Variants in ZNF622 observed in about 807,000 individuals in gnomAD.
ZNF622 encodes zinc finger protein 622.
In ZNF622, 34 loss-of-function variants were observed where a neutral mutation model predicts 49.7. The ratio of observed to expected loss-of-function variants is 0.68; its 90% CI spans 0.52 to 0.91. The LOEUF is 0.91. Among genes scored for constraint, ZNF622 ranks in the 40% least tolerant of loss-of-function variants. The pLI, the probability that ZNF622 is intolerant of heterozygous loss-of-function variation, is 0.00. For synonymous variants in ZNF622, 209 were observed against 228.7 expected (o/e 0.91, Z 0.78); for missense variants, 569 against 616.4 (o/e 0.92, Z 0.81).
chr5:16,459,842 A>G (rs565382222), intron 3 of ZNF622, among the ~76,000 whole-genome samples: 26 of 152,356 alleles, frequency 1.7e-4, no homozygotes, highest in African/African-American at 5.3e-4. Flanking sequence ...CTATGCAGCT[A>G]TAAGTCAGAA....
chr5:16,453,561 A>T (rs404874), intron 4 of ZNF622, among the ~76,000 whole-genome samples: 41 of 33,058 alleles, frequency 1.2e-3, no homozygotes, highest in South Asian at 3.7e-3. Context: ...AATAAAAATT[A>T]TATATATATA....
intron 3 of ZNF622, among the ~76,000 whole-genome samples, chr5:16,461,608 TAGA>T (rs1233676540): frequency 4.6e-5 from 7 of 151,946 alleles, no homozygotes; most frequent in Admixed American, 2.6e-4. Flanking sequence ...TGAAAGAAAA[TAGA>T]AGAATAAAGG....
In ZNF622 at chr5:16,463,701, C is replaced by T. The variant is rs1178500071; in HGVS notation, c.667G>A (p.Asp223Asn). Reference sequence around the variant, plus strand: ...ACCACATCGTCCATTGCTTCAGTATCCTCACATTCCAATTCTTCATCAGAA... The same window carrying T: ...ACCACATCGTCCATTGCTTCAGTATTCTCACATTCCAATTCTTCATCAGAA... ...IDSDEELECE[D>N]TEAMDDVVEQ... The change falls in exon 2 of 6, where the codon GAT becomes AAT. Residue 223 changes from aspartate to asparagine, a missense_variant. Transcript: ENST00000308683. This position sits in a 1 kb window ranked among gnomAD's most constrained non-coding sequence, Gnocchi z 4.2. 1.2e-6 allele frequency: 2 copies of T among 1,614,184 alleles called. No individual in the cohort carries two copies. The highest frequency in any genetic ancestry group is 2.2e-5 in the East Asian group (1 of 44,892).
Position 16,453,096 on chromosome 5 carries a change from CTT to C in ZNF622, c.1221_1222del (p.Arg408SerfsTer76). On this transcript the variant is annotated frameshift_variant, in exon 5 of 6. Transcript: ENST00000308683. LOFTEE classifies it high-confidence loss of function. ...CCGATTTTTGGCAACTGCCACAGCT[CTT>C]GACAAGCCAAATCGCTGTTTGTAGT... 1.3e-6 allele frequency: 2 copies of C among 1,586,404 alleles called. No individual in the cohort carries two copies. The highest frequency in any genetic ancestry group is 1.7e-6 in the Non-Finnish European group (2 of 1,163,240).
At chr5:16,456,844 A>T (rs938432246) in intron 4 of ZNF622, among the ~76,000 whole-genome samples, 2 of 151,656 alleles carry the variant, frequency 1.3e-5, no homozygotes, top group African/African-American at 4.9e-5. Flanking sequence ...ACCAGACAGG[A>T]GGGTATAATG....
chr5:16,464,855 A>C (rs1166754298), intron 1 of ZNF622, among the ~76,000 whole-genome samples, 186 bp downstream of exon 1: 3 of 152,242 alleles, frequency 2.0e-5, no homozygotes, highest in Non-Finnish European at 4.4e-5. Context: ...GAATGAATTG[A>C]GTGAACTAAA....
chr5:16,453,916 C>A (rs1254673434), intron 4 of ZNF622, among the ~76,000 whole-genome samples: 1 of 152,004 alleles, frequency 6.6e-6, no homozygotes, highest in Non-Finnish European at 1.5e-5. Context: ...GGCTGAGTAA[C>A]CCTGACCTAT....
At chr5:16,453,258 A>G in intron 4 of ZNF622, 102 bp from the exon 5 acceptor site, 7 of 1,197,738 alleles carry the variant, frequency 5.8e-6, no homozygotes, top group Non-Finnish European at 7.6e-6. Context: ...TAGTATATCT[A>G]GATGGAAAAT....
intron 4 of ZNF622, among the ~76,000 whole-genome samples, chr5:16,453,541 TATATAAATAAATAAAAATTATA>T (rs1737967507): frequency 1.4e-5 from 2 of 139,824 alleles, no homozygotes; most frequent in Admixed American, 1.5e-4. Flanking sequence ...GCGTTTTATA[TATATAAATAAATAAAAATTATA>T]TATATATATA....
intron 1 of ZNF622, among the ~76,000 whole-genome samples, chr5:16,464,297 C>A (rs1023602067): frequency 2.0e-5 from 3 of 152,084 alleles, no homozygotes; most frequent in Non-Finnish European, 2.9e-5. Flanking sequence ...AACTGGCTAG[C>A]CCCTTTTTTG....
chr5:16,459,052 C>G (rs1350618348), intron 3 of ZNF622, among the ~76,000 whole-genome samples: 1 of 152,200 alleles, frequency 6.6e-6, no homozygotes, highest in African/African-American at 2.4e-5. Flanking sequence ...CAGCACAGAA[C>G]TTTGAAATGC....
chr5:16,465,356 G>T lies in ZNF622; in HGVS notation c.310C>A (p.Arg104=). 6.2e-7 allele frequency: 1 copy of T among 1,614,238 alleles called. No individual in the cohort carries two copies. The highest frequency in any genetic ancestry group is 8.5e-7 in the Non-Finnish European group (1 of 1,180,050). Residue 104 remains arginine (R), a synonymous_variant, in exon 1 of 6, where the codon CGG becomes AGG. Coordinates refer to ENST00000308683, the MANE Select transcript of ZNF622 (RefSeq NM_033414.3). This position sits in a 1 kb window ranked among gnomAD's most constrained non-coding sequence, Gnocchi z 6.2. The part of the protein sequence containing the change: ...LEKKAVQAVN[R]KVEMMNEKNL... ...TTTTCATTCATCATCTCCACTTTCCGATTCACTGCCTGCACGGCCTTCTTC... is the reference window on the plus strand; with the variant it reads ...TTTTCATTCATCATCTCCACTTTCCTATTCACTGCCTGCACGGCCTTCTTC...
intron 4 of ZNF622, among the ~76,000 whole-genome samples, chr5:16,456,749 T>G (rs184481889): frequency 5.9e-4 from 90 of 152,070 alleles, no homozygotes; most frequent in African/African-American, 2.1e-3. Context: ...TGGCTCCCAG[T>G]GGAGGAACTA....
At position 16,465,776 on chromosome 5, in the gene ZNF622, A is replaced by G. The variant is rs1035917186; in HGVS notation, c.-111T>C. 4.3e-6 allele frequency: 6 copies of G among 1,387,186 alleles called. No individual in the cohort carries two copies. Among genetic ancestry groups the G allele is most frequent in the Non-Finnish European group, 5.8e-6 (6 of 1,027,526 alleles). 85.9% of individuals were successfully genotyped at this position (1,387,186 alleles called of 1,614,324 possible). Reference sequence around the variant, plus strand: ...CTCAGCAGCCAGGAAGAGCCACTCGACACGCCGACTTCCTGATTGTCACTG... The same window carrying G: ...CTCAGCAGCCAGGAAGAGCCACTCGGCACGCCGACTTCCTGATTGTCACTG... On this transcript the variant is annotated 5_prime_UTR_variant, in exon 1 of 6. Coordinates refer to ENST00000308683, the MANE Select transcript of ZNF622 (RefSeq NM_033414.3). This position sits in a 1 kb window ranked among gnomAD's most constrained non-coding sequence, Gnocchi z 6.2.
chr5:16,451,689 G>T lies in ZNF622; in HGVS notation c.1402C>A (p.Gln468Lys), dbSNP rs1422532456. Residue 468 changes from glutamine (Q) to lysine (K), a missense_variant, in exon 6 of 6, where the codon CAG (glutamine) becomes AAG (lysine). By Grantham distance (53) the Gln-to-Lys change is moderately conservative. Coordinates refer to ENST00000308683, the MANE Select transcript of ZNF622 (RefSeq NM_033414.3). ...CTCACTTGGACCCGAAAGTGCATCTGCTTGGTGGCATTGTTCTTCATTCCT... is the reference window on the plus strand; with the variant it reads ...CTCACTTGGACCCGAAAGTGCATCTTCTTGGTGGCATTGTTCTTCATTCCT... ...KTGMKNNATK[Q>K]MHFRVQVRF is the part of the protein sequence containing the mutation. 3.1e-6 allele frequency: 5 copies of T among 1,613,928 alleles called. No homozygotes were observed. In the African/African-American group the frequency reaches 6.7e-5, roughly 22 times the overall value.
intron 4 of ZNF622, among the ~76,000 whole-genome samples, chr5:16,453,559 T>TTATATATATATATA (rs58965299): frequency 1.0e-4 from 7 of 67,162 alleles, no homozygotes; most frequent in Non-Finnish European, 1.6e-4. Flanking sequence ...TAAATAAAAA[T>TTATATATATATATA]TATATATATA....
chr5:16,462,268 A>C (rs1002077343), intron 3 of ZNF622, among the ~76,000 whole-genome samples: 1 of 152,208 alleles, frequency 6.6e-6, no homozygotes, highest in East Asian at 1.9e-4. Context: ...GTAATTATAC[A>C]CATCTGCTTA....
chr5:16,458,866 G>A (rs979936715), intron 3 of ZNF622, among the ~76,000 whole-genome samples: 5 of 152,230 alleles, frequency 3.3e-5, no homozygotes, highest in Admixed American at 6.5e-5. Flanking sequence ...TCCCTAGAAA[G>A]GCTGTCTAAC....
At chr5:16,459,637 C>G (rs558322493) in intron 3 of ZNF622, among the ~76,000 whole-genome samples, 1 of 152,242 alleles carries the variant, frequency 6.6e-6, no homozygotes, top group East Asian at 1.9e-4. Flanking sequence ...AGAAACCACT[C>G]AAATGTGTAT....
Sources: allele counts gnomAD v4.1 joint callset (sites outside exome capture counted in the v4.1 genomes callset), GRCh38; gene constraint gnomAD v4.1.1; non-coding constraint Gnocchi (gnomAD v3.1); transcripts MANE v1.5; gene names NCBI Gene and HGNC (gene_info 2026-07-23, HGNC 2026-07-21).